CCDC141: variants seen among roughly 807,000 people sequenced by gnomAD.
CCDC141 encodes coiled-coil domain-containing protein 141.
CCDC141 carries 168 observed loss-of-function variants against 181.0 expected under a neutral mutation model. The ratio of observed to expected loss-of-function variants is 0.93; its 90% CI spans 0.82 to 1.05. The LOEUF (loss-of-function observed/expected upper bound fraction) is 1.05, where lower values mean the gene tolerates loss of function less well. Among genes scored for constraint, CCDC141 ranks in the 50% least tolerant of loss-of-function variants. CCDC141 has a pLI of 0.00. For synonymous variants in CCDC141, 666 were observed against 642.3 expected, an observed-to-expected ratio of 1.04 and a Z score of -0.56; for missense variants, 1,902 against 1,788.5, an observed-to-expected ratio of 1.06 and a Z score of -1.14.
intron 2 of CCDC141, among the ~76,000 whole-genome samples, chr2:179,016,116 G>T (rs1029359676): frequency 6.6e-6 from 1 of 150,848 alleles, no homozygotes; most frequent in Non-Finnish European, 1.5e-5. Flanking sequence ...AAAGTTGTAT[G>T]TTCTCACTGA....
At chr2:178,835,888 A>G (rs1028697884) in intron 23 of CCDC141, 1 of 152,672 alleles carries the variant, frequency 6.5e-6, no homozygotes, top group Non-Finnish European at 1.5e-5. Context: ...GACTGCACTA[A>G]TATAGCACAA....
chr2:178,853,884 T>G (rs1258716485), intron 19 of CCDC141, among the ~76,000 whole-genome samples: 1 of 152,256 alleles, frequency 6.6e-6, no homozygotes, highest in Non-Finnish European at 1.5e-5. Flanking sequence ...ATATATTTGA[T>G]TCTCCTACCT....
rs372541686 is a variant in CCDC141, at chr2:179,023,122, A to C, written c.225+24162T>G. Among the ~76,000 whole-genome samples the C allele has an allele frequency of 2.0e-5, 3 of 152,298 alleles. No homozygotes were observed. The East Asian group carries it at 5.8e-4, about 29-fold the overall frequency. ...GACCAGGGCAAATGACTGTATATACATTTGTATATACACACTTGTGTATGT... is the reference window on the plus strand; with the variant it reads ...GACCAGGGCAAATGACTGTATATACCTTTGTATATACACACTTGTGTATGT... On this transcript the variant is annotated intron_variant, in intron 2 of 23. Transcript: ENST00000443758.
intron 21 of CCDC141, among the ~76,000 whole-genome samples, chr2:178,848,768 C>T (rs1486904693): frequency 2.0e-5 from 3 of 151,750 alleles, no homozygotes; most frequent in East Asian, 1.9e-4. Flanking sequence ...AGCAGCTCCT[C>T]GGTGGTGGGG....
chr2:178,818,433 C>T, the CCDC141 span, among the ~76,000 whole-genome samples: 1 of 152,176 alleles, frequency 6.6e-6, no homozygotes, highest in African/African-American at 2.4e-5. Flanking sequence ...CTCTCCCTCC[C>T]CCAACCCTCA....
In CCDC141 at chr2:179,037,988, G is replaced by A. The variant is rs547302048; in HGVS notation, c.225+9296C>T. 5.9e-5 allele frequency among the ~76,000 whole-genome samples: 9 copies of A among 152,204 alleles called. No individual in the cohort carries two copies. The East Asian group carries it at 1.5e-3, about 26-fold the overall frequency. On this transcript the variant is annotated intron_variant, in intron 2 of 23. Coordinates refer to ENST00000443758, the MANE Select transcript of CCDC141 (RefSeq NM_173648.4). ...CTAAAAACAGAAATACCCAGCACAG[G>A]ACCCAGCAATTTCACTCCTACATAT...
At chr2:179,006,050 G>A (rs1286312054) in intron 2 of CCDC141, among the ~76,000 whole-genome samples, 1 of 152,152 alleles carries the variant, frequency 6.6e-6, no homozygotes. Flanking sequence ...AGCCAGCCTA[G>A]CTCTCAGTCC....
intron 5 of CCDC141, among the ~76,000 whole-genome samples, chr2:178,955,290 G>T (rs1262598815): frequency 1.3e-5 from 2 of 151,498 alleles, no homozygotes; most frequent in Non-Finnish European, 2.9e-5. Context: ...GTCTCAAAAA[G>T]AAAATAATAA....
the CCDC141 span, among the ~76,000 whole-genome samples, chr2:178,816,366 T>C: frequency 6.6e-6 from 1 of 152,248 alleles, no homozygotes; most frequent in African/African-American, 2.4e-5. Flanking sequence ...TGTCTTTCCA[T>C]GCCTTAGTCG....
intron 22 of CCDC141, among the ~76,000 whole-genome samples, chr2:178,841,908 C>T (rs552824068): frequency 4.6e-4 from 70 of 152,352 alleles, no homozygotes; most frequent in South Asian, 1.5e-3. Flanking sequence ...GCTGGGGTTA[C>T]AGGCGTAAGC....
At chr2:178,851,842 A>G (rs891053543) in intron 20 of CCDC141, among the ~76,000 whole-genome samples, 10 of 152,220 alleles carry the variant, frequency 6.6e-5, no homozygotes, top group African/African-American at 2.4e-4. Flanking sequence ...CTTAGTAGAT[A>G]ACAGGTATGC....
At chr2:178,938,398 A>C (rs535139043) in intron 6 of CCDC141, among the ~76,000 whole-genome samples, 1 of 152,140 alleles carries the variant, frequency 6.6e-6, no homozygotes, top group East Asian at 1.9e-4. Context: ...ATGTAATTGC[A>C]TGGTCTTAAG....
In CCDC141 at chr2:178,905,628, CA is replaced by C. The variant is rs1281563178; in HGVS notation, c.1093-128del. 7.8e-6 allele frequency: 7 copies of C among 898,254 alleles called. No individual in the cohort carries two copies. The East Asian group carries it at 1.9e-4, about 24-fold the overall frequency. 55.6% of individuals were successfully genotyped at this position (898,254 alleles called of 1,614,324 possible). On this transcript the variant is annotated intron_variant, in intron 7 of 23. Transcript: ENST00000443758. Reference sequence around the variant, plus strand: ...TAGTTTCATTATAACAAAAAACAACCATCTTAATCTTGGAAGATTGTTGGAA... The same window carrying C: ...TAGTTTCATTATAACAAAAAACAACCTCTTAATCTTGGAAGATTGTTGGAA...
chr2:178,834,250 T>C lies in CCDC141; in HGVS notation c.4516A>G (p.Ile1506Val). ...AGGGTTATCCAGTTTACTCTTGTGATTGGCAGCCTGCAGTTACCTGTCACG... is the reference window on the plus strand; with the variant it reads ...AGGGTTATCCAGTTTACTCTTGTGACTGGCAGCCTGCAGTTACCTGTCACG... ...LHVTGNCRLP[I>V]TRVNWITLCV... Residue 1506 changes from isoleucine (I) to valine (V), a missense_variant, in exon 24 of 24, where the codon ATC (isoleucine) becomes GTC (valine). Transcript: ENST00000443758. The C allele has an allele frequency of 7.2e-6, 11 of 1,536,238 alleles. No homozygotes were observed. The highest frequency in any genetic ancestry group is 9.6e-6 in the Non-Finnish European group (11 of 1,146,880).
At chr2:178,990,099 G>T in intron 2 of CCDC141, among the ~76,000 whole-genome samples, 1 of 145,648 alleles carries the variant, frequency 6.9e-6, no homozygotes, top group Non-Finnish European at 1.5e-5. Context: ...AGATTGCACC[G>T]TTGCACTCAA....
At chr2:178,851,730 T>C (rs1010947417) in intron 20 of CCDC141, among the ~76,000 whole-genome samples, 2 of 152,228 alleles carry the variant, frequency 1.3e-5, no homozygotes, top group Non-Finnish European at 2.9e-5. Flanking sequence ...AAACATTTTA[T>C]GTCCTTCTCA....
chr2:179,036,844 T>C (rs1355754394), intron 2 of CCDC141, among the ~76,000 whole-genome samples: 1 of 152,206 alleles, frequency 6.6e-6, no homozygotes, highest in East Asian at 1.9e-4. Context: ...GTGTTTGAAT[T>C]TGGAAGGTGC....
At chr2:179,015,105 A>ATCATATATATATACATATATATAT (rs1559048793) in intron 2 of CCDC141, among the ~76,000 whole-genome samples, 10 of 21,354 alleles carry the variant, frequency 4.7e-4, no homozygotes, top group East Asian at 1.1e-3. Context: ...TATATATATA[A>ATCATATATATATACATATATATAT]TATATATATA....
In CCDC141 at chr2:178,994,846, G is replaced by T. The variant is rs141619316; in HGVS notation, c.226-16171C>A. 4.8e-3 allele frequency among the ~76,000 whole-genome samples: 737 copies of T among 152,194 alleles called. 2 individuals carry two copies. Among genetic ancestry groups the T allele is most frequent in the African/African-American group, 0.017 (717 of 41,520 alleles). ...GTTCAAAGTTCCACAAATCTATAGG[G>T]CAGGGGCAAAATGTCAGCAGTCTCT... is the stretch of plus-strand genomic sequence containing the variant. On this transcript the variant is annotated intron_variant, in intron 2 of 23. Coordinates refer to ENST00000443758, the MANE Select transcript of CCDC141 (RefSeq NM_173648.4).
Sources: gnomAD v4.1 joint callset for allele counts (sites outside exome capture counted in the v4.1 genomes callset) on GRCh38, gnomAD v4.1.1 for gene constraint, MANE v1.5 for transcripts, NCBI Gene and HGNC (gene_info 2026-07-23, HGNC 2026-07-21) for gene names.